Variants in NRP1 observed in about 807,000 individuals in gnomAD.
NRP1 encodes the protein neuropilin 1, also known as neuropilin-1.
In NRP1, 35 loss-of-function variants were observed where a neutral mutation model predicts 106.7. The observed-to-expected ratio is 0.33, with a 90% CI of 0.25 to 0.43. The LOEUF (loss-of-function observed/expected upper bound fraction) is 0.43. Among genes scored for constraint, NRP1 ranks in the 20% least tolerant of loss-of-function variants. The pLI, the probability that NRP1 is intolerant of heterozygous loss-of-function variation, is 1.00. For missense variants in NRP1, 1,024 were observed against 1,170.4 expected, an observed-to-expected ratio of 0.87 and a Z score of 1.83; for synonymous variants, 437 against 417.9, an observed-to-expected ratio of 1.05 and a Z score of -0.56.
intron 2 of NRP1, among the ~76,000 whole-genome samples, chr10:33,325,678 A>G (rs1033504537): frequency 2.0e-5 from 3 of 152,216 alleles, no homozygotes; most frequent in African/African-American, 7.2e-5. Context: ...GCATTAAAGG[A>G]ACAATATCTG....
chr10:33,320,786 T>G (rs1847446349), intron 2 of NRP1, among the ~76,000 whole-genome samples: 1 of 152,264 alleles, frequency 6.6e-6, no homozygotes, highest in South Asian at 2.1e-4. Flanking sequence ...AAGGTAGAAA[T>G]GTAAGTAAGA....
intron 2 of NRP1, among the ~76,000 whole-genome samples, chr10:33,317,148 C>T (rs1284431528): frequency 6.6e-6 from 1 of 152,218 alleles, no homozygotes; most frequent in South Asian, 2.1e-4. Context: ...GGTCTCCCAG[C>T]CACATCTGTA....
At chr10:33,265,219 A>G (rs1228290817) in intron 3 of NRP1, among the ~76,000 whole-genome samples, 1 of 152,194 alleles carries the variant, frequency 6.6e-6, no homozygotes, top group African/African-American at 2.4e-5. Flanking sequence ...ACCTGCTGCT[A>G]TGATCTTCAA....
intron 2 of NRP1, among the ~76,000 whole-genome samples, chr10:33,283,855 T>C (rs565183792): frequency 6.6e-6 from 1 of 152,240 alleles, no homozygotes; most frequent in Non-Finnish European, 1.5e-5. Context: ...TTTAACCATA[T>C]GACCACACAA....
chr10:33,206,463 G>T (rs923035258), intron 10 of NRP1: 1 of 375,224 alleles, frequency 2.7e-6, no homozygotes, highest in Non-Finnish European at 5.3e-6. Context: ...AAGTAGCTAT[G>T]AATTATTCAG....
chr10:33,191,434 C>A (rs765577513), intron 13 of NRP1, among the ~76,000 whole-genome samples: 11 of 152,176 alleles, frequency 7.2e-5, no homozygotes, highest in Non-Finnish European at 1.5e-4. Flanking sequence ...TCTTTCCCCA[C>A]CTCCCCTTCA....
intron 10 of NRP1, among the ~76,000 whole-genome samples, chr10:33,206,922 G>A (rs1259640300): frequency 6.6e-6 from 1 of 152,254 alleles, no homozygotes; most frequent in African/African-American, 2.4e-5. Context: ...AGTGTAGGCA[G>A]TAATGTCAGT....
Position 33,221,797 on chromosome 10 carries a change from G to A in NRP1, c.1204C>T (p.Arg402Ter). The A allele has an allele frequency of 6.2e-7, 1 of 1,614,046 alleles. No homozygotes were observed. Among genetic ancestry groups the A allele is most frequent in the Non-Finnish European group, 8.5e-7 (1 of 1,179,956 alleles). Reference protein sequence around the residue: ...VAVFPKPLITRFVRIKPATWE... With the variant: ...VAVFPKPLIT ...GTTGCAGGCTTGATTCGGACAAATC[G>A]AGTTATCAGTGGTTTGGGGAATACT... is the stretch of plus-strand genomic sequence containing the variant. Residue 402 changes from arginine to a stop codon, truncating the protein, a stop_gained, in exon 8 of 17, where the codon CGA becomes TGA. Coordinates refer to ENST00000374867, the MANE Select transcript of NRP1 (RefSeq NM_003873.7). LOFTEE classifies it high-confidence loss of function.
chr10:33,191,323 G>T (rs12572545), intron 13 of NRP1, among the ~76,000 whole-genome samples: 24,647 of 152,158 alleles, frequency 0.16, 2,311 homozygotes, highest in East Asian at 0.5. Context: ...GGCAGGAGGT[G>T]GTGGGAGGGT....
At chr10:33,229,878 A>G (rs552323006) in intron 6 of NRP1, among the ~76,000 whole-genome samples, 76 of 152,180 alleles carry the variant, frequency 5.0e-4, no homozygotes, top group Non-Finnish European at 1.0e-3. Flanking sequence ...GTAATTGCAT[A>G]GTTTCCTGCT....
intron 2 of NRP1, among the ~76,000 whole-genome samples, chr10:33,289,519 G>A (rs1159267286): frequency 6.6e-6 from 1 of 152,066 alleles, no homozygotes; most frequent in Admixed American, 6.5e-5. Context: ...CAACTTTCCT[G>A]CCATTCCCTA....
chr10:33,246,665 G>A (rs1283114940), intron 6 of NRP1, among the ~76,000 whole-genome samples: 1 of 151,838 alleles, frequency 6.6e-6, no homozygotes, highest in African/African-American at 2.4e-5. Context: ...CCCTAGTTTT[G>A]CCAACACTGT....
intron 6 of NRP1, among the ~76,000 whole-genome samples, chr10:33,234,419 T>G (rs1347167324): frequency 6.6e-6 from 1 of 152,194 alleles, no homozygotes; most frequent in Non-Finnish European, 1.5e-5. Context: ...TAGTTTATAA[T>G]TTCTCAGTAA....
chr10:33,275,844 A>C (rs1210496336), intron 2 of NRP1, among the ~76,000 whole-genome samples: 3 of 152,036 alleles, frequency 2.0e-5, no homozygotes, highest in Non-Finnish European at 4.4e-5. Flanking sequence ...CAGGAGTCTG[A>C]GACTGCAGTG....
Position 33,199,264 on chromosome 10 carries a change from A to G in NRP1, c.1865-1555T>C, listed in dbSNP as rs1285679007. On this transcript the variant is annotated intron_variant, in intron 11 of 16. Coordinates refer to ENST00000374867, the MANE Select transcript of NRP1 (RefSeq NM_003873.7). ...CAGGCTGGAGTGCAGTGGCGCCATC[A>G]TGGCTCACTGTGGCCTCAAACTTCT... Among the ~76,000 whole-genome samples the G allele has an allele frequency of 3.4e-5, 5 of 149,240 alleles. No individual in the cohort carries two copies. In the South Asian group the frequency reaches 1.1e-3, roughly 32 times the overall value.
At chr10:33,222,613 C>T (rs928782283) in intron 7 of NRP1, among the ~76,000 whole-genome samples, 8 of 152,046 alleles carry the variant, frequency 5.3e-5, no homozygotes, top group South Asian at 4.2e-4. Flanking sequence ...CTCCGCCTCC[C>T]GGGTTCAAGC....
At chr10:33,221,360 A>G (rs1014234688) in intron 8 of NRP1, among the ~76,000 whole-genome samples, 1 of 152,226 alleles carries the variant, frequency 6.6e-6, no homozygotes, top group Non-Finnish European at 1.5e-5. Context: ...AGTCTAGTGG[A>G]AAAGGTACCA....
Position 33,313,198 on chromosome 10 carries a change from G to A in NRP1, c.248+17510C>T, listed in dbSNP as rs1228693207. ...ATTTTGCCAAAACAAGGTCTAAAAC[G>A]TCTGATACCACTTAGGGGTTGAAAA... is the stretch of plus-strand genomic sequence containing the variant. On this transcript the variant is annotated intron_variant, in intron 2 of 16. Transcript: ENST00000374867. 3.3e-5 allele frequency among the ~76,000 whole-genome samples: 5 copies of A among 152,178 alleles called. No homozygotes were observed. The East Asian group carries it at 9.6e-4, about 29-fold the overall frequency.
intron 6 of NRP1, among the ~76,000 whole-genome samples, chr10:33,233,632 C>T (rs1564407048): frequency 6.6e-6 from 1 of 152,134 alleles, no homozygotes; most frequent in East Asian, 1.9e-4. Flanking sequence ...TAAATTACTG[C>T]CCATTGAGCT....
Sources: gnomAD v4.1 joint callset for allele counts (sites outside exome capture counted in the v4.1 genomes callset) on GRCh38, gnomAD v4.1.1 for gene constraint, MANE v1.5 for transcripts, NCBI Gene and HGNC (gene_info 2026-07-23, HGNC 2026-07-21) for gene names.